The following MDGA2 variants were observed in gnomAD, a reference collection of about 807,000 sequenced individuals.
MDGA2 encodes the protein MAM domain containing glycosylphosphatidylinositol anchor 2.
In MDGA2, 40 loss-of-function variants were observed where a neutral mutation model predicts 117.8. The ratio of observed to expected loss-of-function variants is 0.34; its 90% CI spans 0.26 to 0.44. MDGA2 has a LOEUF of 0.44. Ranked by LOEUF, MDGA2 falls within the 20% of genes least tolerant of loss-of-function variation. The pLI is 1.00. For synonymous variants in MDGA2, 452 were observed against 439.0 expected (o/e 1.03, Z -0.37); for missense variants, 1,123 against 1,250.6 (o/e 0.90, Z 1.54).
intron 6 of MDGA2, among the ~76,000 whole-genome samples, chr14:47,069,461 A>G (rs895271887): frequency 6.6e-6 from 1 of 152,232 alleles, no homozygotes; most frequent in Admixed American, 6.5e-5. Flanking sequence ...TCATTTGAAC[A>G]GTTCATTTGA....
chr14:47,212,283 AAAGT>A (rs1423109958), intron 3 of MDGA2, among the ~76,000 whole-genome samples: 1 of 152,284 alleles, frequency 6.6e-6, no homozygotes, highest in African/African-American at 2.4e-5. Context: ...ATGAATAAAT[AAAGT>A]GTGAGTATAA....
At chr14:47,483,326 G>C (rs1338633931) in intron 1 of MDGA2, among the ~76,000 whole-genome samples, 1 of 151,870 alleles carries the variant, frequency 6.6e-6, no homozygotes, top group Admixed American at 6.6e-5. Flanking sequence ...CCCTGCCTTT[G>C]TCAAGCTTTC....
At chr14:47,228,428 CTA>C (rs1403857156) in intron 2 of MDGA2, among the ~76,000 whole-genome samples, 1 of 152,076 alleles carries the variant, frequency 6.6e-6, no homozygotes, top group African/African-American at 2.4e-5. Context: ...TCAGTAGAAA[CTA>C]TACTTCAAAT....
intron 14 of MDGA2, among the ~76,000 whole-genome samples, chr14:46,863,146 TC>T (rs1881579786): frequency 6.6e-6 from 1 of 152,042 alleles, no homozygotes; most frequent in African/African-American, 2.4e-5. Context: ...TTTCTCATAT[TC>T]TTTGGCCTTT....
intron 1 of MDGA2, among the ~76,000 whole-genome samples, chr14:47,353,711 T>C (rs574597742): frequency 6.6e-6 from 1 of 152,184 alleles, no homozygotes; most frequent in African/African-American, 2.4e-5. Flanking sequence ...GAAAGCTGCA[T>C]GGCTGAATTC....
intron 1 of MDGA2, among the ~76,000 whole-genome samples, chr14:47,392,757 A>C (rs80346467): frequency 0.019 from 2,899 of 152,244 alleles, 63 homozygotes; most frequent in East Asian, 0.11. Context: ...ATATTTTTAA[A>C]CCAAAAAATA....
rs188222213 is a variant in MDGA2 at position 47,015,018 on chromosome 14, A to G, written c.1819+19993T>C. On this transcript the variant is annotated intron_variant, in intron 8 of 16. Coordinates refer to ENST00000399232, the MANE Select transcript of MDGA2 (RefSeq NM_001113498.3). Reference sequence around the variant, plus strand: ...TTCACTTGAACACTTAGAAGACATTATAGGGTTATTAACTGGCCTAATTGT... The same window carrying G: ...TTCACTTGAACACTTAGAAGACATTGTAGGGTTATTAACTGGCCTAATTGT... 3.3e-5 allele frequency among the ~76,000 whole-genome samples: 5 copies of G among 152,264 alleles called. No individual in the cohort carries two copies. In the East Asian group the frequency reaches 9.7e-4, roughly 29 times the overall value.
At chr14:47,473,543 T>G (rs924824584) in intron 1 of MDGA2, among the ~76,000 whole-genome samples, 2 of 152,072 alleles carry the variant, frequency 1.3e-5, no homozygotes, top group African/African-American at 2.4e-5. Context: ...TATTAACCTC[T>G]TTTAAATGTA....
chr14:47,163,446 C>T (rs913839892), intron 3 of MDGA2, among the ~76,000 whole-genome samples: 1 of 151,998 alleles, frequency 6.6e-6, no homozygotes, highest in Non-Finnish European at 1.5e-5. Context: ...CCATGCTGTT[C>T]TGGTGATAGT....
intron 1 of MDGA2, among the ~76,000 whole-genome samples, chr14:47,516,372 A>G (rs1299878037): frequency 6.6e-6 from 1 of 152,158 alleles, no homozygotes; most frequent in Non-Finnish European, 1.5e-5. Context: ...TTTCACCAGT[A>G]GCCCCCAGAT....
chr14:47,288,085 T>C (rs1363555384), intron 2 of MDGA2, among the ~76,000 whole-genome samples: 1 of 152,098 alleles, frequency 6.6e-6, no homozygotes, highest in East Asian at 1.9e-4. Context: ...TTAAGCACTT[T>C]CTTTGTGATA....
At chr14:47,502,261 AG>A (rs1241207924) in intron 1 of MDGA2, among the ~76,000 whole-genome samples, 4 of 152,282 alleles carry the variant, frequency 2.6e-5, no homozygotes, top group Middle Eastern at 3.4e-3. Context: ...CCCTTAAGCC[AG>A]GAGTTTGAGT....
intron 1 of MDGA2, among the ~76,000 whole-genome samples, chr14:47,561,153 G>GGTTTATTTT (rs1895797132): frequency 1.6e-5 from 1 of 63,908 alleles, no homozygotes. Context: ...TTTTTTTTTT[G>GGTTTATTTT]TTTTGTTTTG....
intron 1 of MDGA2, among the ~76,000 whole-genome samples, chr14:47,478,710 G>A (rs1893892350): frequency 6.6e-6 from 1 of 152,138 alleles, no homozygotes; most frequent in Non-Finnish European, 1.5e-5. Context: ...TAATATACAA[G>A]AGCAGTATCT....
At chr14:46,883,427 G>C (rs1020978644) in intron 10 of MDGA2, among the ~76,000 whole-genome samples, 1 of 151,928 alleles carries the variant, frequency 6.6e-6, no homozygotes, top group African/African-American at 2.4e-5. Context: ...AGGAATGAAA[G>C]GGAACTTGAT....
At chr14:47,042,330 T>TGC (rs1566589113) in intron 7 of MDGA2, among the ~76,000 whole-genome samples, 1 of 86,850 alleles carries the variant, frequency 1.2e-5, no homozygotes, top group East Asian at 5.8e-4. Flanking sequence ...TTTTTTTTTG[T>TGC]GTGTGTGTGT....
At chr14:46,996,424 A>G (rs1566565627) in intron 8 of MDGA2, 1 of 151,756 alleles carries the variant, frequency 6.6e-6, no homozygotes, top group Non-Finnish European at 1.5e-5. Context: ...ATCCATGGCT[A>G]CTCCAGCTAT....
intron 14 of MDGA2, among the ~76,000 whole-genome samples, chr14:46,862,948 CA>C (rs1286143384): frequency 6.6e-6 from 1 of 151,650 alleles, no homozygotes; most frequent in Non-Finnish European, 1.5e-5. Context: ...CAGTTATTAC[CA>C]TTCCTTCTGG....
intron 5 of MDGA2, among the ~76,000 whole-genome samples, chr14:47,115,940 C>T (rs993946171): frequency 2.6e-5 from 4 of 151,846 alleles, no homozygotes; most frequent in East Asian, 1.9e-4. Flanking sequence ...CAGAGTAATT[C>T]GGCAAGAAAA....
Sources: gnomAD v4.1 joint callset for allele counts (sites outside exome capture counted in the v4.1 genomes callset) on GRCh38, gnomAD v4.1.1 for gene constraint, MANE v1.5 for transcripts, NCBI Gene and HGNC (gene_info 2026-07-23, HGNC 2026-07-21) for gene names.